IPO7: variants seen among roughly 807,000 people sequenced by gnomAD.
IPO7 encodes importin-7.
In IPO7, 13 loss-of-function variants were observed where a neutral mutation model predicts 136.4. The ratio of observed to expected loss-of-function variants is 0.10; its 90% CI spans 0.06 to 0.15. IPO7 has a LOEUF of 0.15. Ranked by LOEUF, IPO7 falls within the 10% of genes least tolerant of loss-of-function variation. The pLI, the probability that IPO7 is intolerant of heterozygous loss-of-function variation, is 1.00. For synonymous variants in IPO7, 403 were observed against 404.4 expected (o/e 1.00, Z 0.04); for missense variants, 857 against 1,240.6 (o/e 0.69, Z 4.65).
At chr11:9,426,395 A>G (rs536804178) in intron 12 of IPO7, among the ~76,000 whole-genome samples, 2 of 152,232 alleles carry the variant, frequency 1.3e-5, no homozygotes, top group South Asian at 4.1e-4. Flanking sequence ...TTATATTAAT[A>G]TACCACATTT....
At chr11:9,431,184 G>C (rs1204426260) in intron 16 of IPO7, among the ~76,000 whole-genome samples, 181 bp downstream of exon 16, 2 of 152,068 alleles carry the variant, frequency 1.3e-5, no homozygotes, top group African/African-American at 4.8e-5. Flanking sequence ...GCAGGTATTT[G>C]TTTTACCATC....
chr11:9,409,981 G>T lies in IPO7; in HGVS notation c.374G>T (p.Arg125Leu), dbSNP rs772562320. ...HHIIKHDYPS[R>L]WTAIVDKIGF... ...ATCATCAAACATGATTATCCAAGCC[G>T]CTGGACTGCCATTGTGGACAAAATT... Residue 125 changes from arginine to leucine, a missense_variant, in exon 4 of 25, where the codon CGC (arginine) becomes CTC (leucine). Physicochemically the swap from Arg to Leu is moderately radical, Grantham distance 102 (BLOSUM62 -2). Transcript: ENST00000379719. The T allele has an allele frequency of 1.9e-6, 3 of 1,606,228 alleles. No individual in the cohort carries two copies. Among genetic ancestry groups the T allele is most frequent in the Admixed American group, 1.7e-5 (1 of 58,858 alleles).
At chr11:9,443,515 C>T (rs940420454) in intron 24 of IPO7, among the ~76,000 whole-genome samples, 22 of 147,298 alleles carry the variant, frequency 1.5e-4, no homozygotes, top group Non-Finnish European at 2.5e-4. Flanking sequence ...TGCTTGAACC[C>T]GGGAGGTGGA....
Position 9,436,274 on chromosome 11 carries a change from C to G in IPO7, c.2176C>G (p.Leu726Val). The G allele has an allele frequency of 6.2e-7, 1 of 1,610,106 alleles. No homozygotes were observed. The highest frequency in any genetic ancestry group is 8.5e-7 in the Non-Finnish European group (1 of 1,176,450). Reference sequence around the variant, plus strand: ...ATTTATATTCTGTTTTGATCAGGTTCTTACAGGAGTTGCAGGAGAAGATGC... The same window carrying G: ...ATTTATATTCTGTTTTGATCAGGTTGTTACAGGAGTTGCAGGAGAAGATGC... ...EMIYSMCKKV[L>V]TGVAGEDAEC... Residue 726 changes from leucine (L) to valine (V), a missense_variant, in exon 20 of 25, where the codon CTT becomes GTT. Around this residue, in one of 11 missense-constraint regions of IPO7, gnomAD observed 190 missense variants for 249.0 expected, o/e 0.76. Coordinates refer to ENST00000379719, the MANE Select transcript of IPO7 (RefSeq NM_006391.3).
At chr11:9,433,548 G>T in intron 16 of IPO7, 22 bp from the exon 17 acceptor site, 2 of 1,589,168 alleles carry the variant, frequency 1.3e-6, no homozygotes, top group Non-Finnish European at 1.7e-6. Context: ...AACTGCATAT[G>T]ATTTTTTTTC....
intron 5 of IPO7, among the ~76,000 whole-genome samples, chr11:9,416,585 C>G (rs1365543086): frequency 6.6e-6 from 1 of 152,022 alleles, no homozygotes; most frequent in Non-Finnish European, 1.5e-5. Flanking sequence ...TTTTTATTGG[C>G]CTACTGAGAA....
chr11:9,408,684 T>A, intron 3 of IPO7, 45 bp downstream of exon 3: 3 of 1,301,520 alleles, frequency 2.3e-6, no homozygotes, highest in Non-Finnish European at 3.1e-6. Flanking sequence ...TGTGTAACTT[T>A]CAGGGTTTTT....
chr11:9,398,442 A>G (rs1854745880), intron 1 of IPO7, among the ~76,000 whole-genome samples: 2 of 152,224 alleles, frequency 1.3e-5, no homozygotes, highest in Non-Finnish European at 2.9e-5. Context: ...AGGCTTCTGT[A>G]AGGAAATAAT....
At chr11:9,443,395 C>T (rs2133769300) in intron 24 of IPO7, among the ~76,000 whole-genome samples, 1 of 150,894 alleles carries the variant, frequency 6.6e-6, no homozygotes. Context: ...GAGTTCGAGA[C>T]CAGCCTGACC....
intron 1 of IPO7, among the ~76,000 whole-genome samples, chr11:9,400,253 C>T (rs1357748054): frequency 6.6e-6 from 1 of 152,096 alleles, no homozygotes; most frequent in Non-Finnish European, 1.5e-5. Flanking sequence ...GGATTTGAAA[C>T]CCACAGATAT....
intron 3 of IPO7, among the ~76,000 whole-genome samples, chr11:9,409,069 G>GA (rs1854930874): frequency 6.6e-6 from 1 of 151,188 alleles, no homozygotes; most frequent in Non-Finnish European, 1.5e-5. Flanking sequence ...TTTTGTAGCA[G>GA]AAAACTTACC....
intron 4 of IPO7, among the ~76,000 whole-genome samples, chr11:9,411,476 A>G (rs1251620226): frequency 2.0e-5 from 3 of 152,180 alleles, no homozygotes; most frequent in Non-Finnish European, 4.4e-5. Context: ...GAAATGTGAG[A>G]TGCTGTCTTT....
At chr11:9,405,300 G>C (rs1309287504) in intron 2 of IPO7, among the ~76,000 whole-genome samples, 1 of 151,872 alleles carries the variant, frequency 6.6e-6, no homozygotes, top group Non-Finnish European at 1.5e-5. Flanking sequence ...TCAGCCTCCC[G>C]AGTAGCTGGG....
chr11:9,390,644 T>C (rs1039370644), intron 1 of IPO7, among the ~76,000 whole-genome samples: 68 of 152,188 alleles, frequency 4.5e-4, no homozygotes, highest in African/African-American at 1.6e-3. Flanking sequence ...TTCAATGATA[T>C]AGCTTGTTAA....
In IPO7 at chr11:9,437,844, A is replaced by G; in HGVS notation, c.2359A>G (p.Ile787Val). Reference protein sequence around the residue: ...ELRTMCLQVAIAALYYNPHLL... With the variant: ...ELRTMCLQVAVAALYYNPHLL... ...TCGAACTATGTGTCTGCAAGTTGCA[A>G]TTGCAGCTTTGTATTATAATCCACA... Residue 787 changes from isoleucine to valine, a missense_variant, in exon 21 of 25, where the codon ATT becomes GTT. Physicochemically the swap from Ile to Val is conservative, Grantham distance 29. This residue lies in a region of IPO7 where 190 missense variants were observed against 249.0 expected (regional missense o/e 0.76). Transcript: ENST00000379719. 6.2e-7 allele frequency: 1 copy of G among 1,613,790 alleles called. No individual in the cohort carries two copies. The highest frequency in any genetic ancestry group is 8.5e-7 in the Non-Finnish European group (1 of 1,179,726).
chr11:9,408,463 T>A (rs762355908), intron 2 of IPO7, 23 bp from the exon 3 acceptor site: 1 of 1,425,956 alleles, frequency 7.0e-7, no homozygotes, highest in African/African-American at 1.5e-5. Flanking sequence ...AACATTCTTT[T>A]GTCAAACTGA....
intron 1 of IPO7, among the ~76,000 whole-genome samples, chr11:9,393,874 ATTTT>A (rs1180068769): frequency 1.3e-5 from 2 of 151,930 alleles, no homozygotes; most frequent in African/African-American, 4.8e-5. Flanking sequence ...GTAATTTCTA[ATTTT>A]TTTCTTTTAA....
rs781404533 is a variant in IPO7 at position 9,433,861 on chromosome 11, C to T, written c.2074+15C>T. On this transcript the variant is annotated intron_variant, in intron 18 of 24. Transcript: ENST00000379719. The stretch of plus-strand genomic sequence containing the variant: ...TTACTTTACAGGTGAGTCAAAGCAG[C>T]ATGGAAATACTGAGGGTTTTCCCTG... 1 of 1,602,576 alleles carries T rather than the reference C, an allele frequency of 6.2e-7. No individual in the cohort carries two copies. The highest frequency in any genetic ancestry group is 1.7e-5 in the Admixed American group (1 of 58,970).
At chr11:9,425,435 C>T (rs1054967209) in intron 12 of IPO7, 173 bp downstream of exon 12, 3 of 585,596 alleles carry the variant, frequency 5.1e-6, no homozygotes, top group Non-Finnish European at 6.1e-6. Context: ...AGTGATACCC[C>T]CATCTCTATA....
Sources: gnomAD v4.1 joint callset for allele counts (sites outside exome capture counted in the v4.1 genomes callset) on GRCh38, gnomAD v4.1.1 for gene constraint, gnomAD v4.1.1 regional missense constraint, MANE v1.5 for transcripts, NCBI Gene and HGNC (gene_info 2026-07-23, HGNC 2026-07-21) for gene names.